STXBP5L: variants seen among roughly 807,000 people sequenced by gnomAD.
The protein encoded by STXBP5L is syntaxin-binding protein 5-like.
Under a neutral mutation model 144.5 loss-of-function variants are expected in STXBP5L, and 65 were observed. The observed-to-expected ratio is 0.45, with a 90% CI of 0.37 to 0.55. STXBP5L has a LOEUF of 0.55. Ranked by LOEUF, STXBP5L falls within the 20% of genes least tolerant of loss-of-function variation. The pLI is 0.00. For missense variants in STXBP5L, 1,298 were observed against 1,405.5 expected, an observed-to-expected ratio of 0.92 and a Z score of 1.22; for synonymous variants, 505 against 469.6, an observed-to-expected ratio of 1.08 and a Z score of -0.97.
chr3:121,266,733 G>A (rs1446531116), intron 18 of STXBP5L, among the ~76,000 whole-genome samples: 6 of 152,116 alleles, frequency 3.9e-5, no homozygotes, highest in Non-Finnish European at 4.4e-5. Context: ...AAACCCTATC[G>A]TCTCAGCCCC....
At chr3:121,036,373 T>C (rs1946753620) in intron 3 of STXBP5L, among the ~76,000 whole-genome samples, 1 of 152,132 alleles carries the variant, frequency 6.6e-6, no homozygotes, top group Admixed American at 6.6e-5. Flanking sequence ...TTATTATTTG[T>C]TTCAGTAATA....
chr3:121,378,335 A>AT (rs986283597), intron 20 of STXBP5L, among the ~76,000 whole-genome samples: 6 of 152,124 alleles, frequency 3.9e-5, no homozygotes, highest in South Asian at 2.1e-4. Context: ...TTAAAGTAAA[A>AT]TTTTTTTTAA....
At chr3:121,002,058 C>A (rs905322345) in intron 3 of STXBP5L, among the ~76,000 whole-genome samples, 2 of 152,032 alleles carry the variant, frequency 1.3e-5, no homozygotes, top group Non-Finnish European at 2.9e-5. Context: ...ATTTTATTTC[C>A]TTTTTCATAT....
At position 121,255,079 on chromosome 3, in the gene STXBP5L, A is replaced by G. The variant is rs562418935; in HGVS notation, c.1626A>G (p.Lys542=). The G allele has an allele frequency of 1.7e-5, 27 of 1,599,458 alleles. No homozygotes were observed. The South Asian group carries it at 2.8e-4, about 17-fold the overall frequency. The change falls in exon 16 of 27, where the codon AAA becomes AAG. Residue 542 remains lysine, a synonymous_variant. Coordinates refer to ENST00000471454, the MANE Select transcript of STXBP5L (RefSeq NM_001308330.2). ...TCTCTGCATATGTCATAATTTATAAATTCAGCAGACATGAAATTACAACAG... is the reference window on the plus strand; with the variant it reads ...TCTCTGCATATGTCATAATTTATAAGTTCAGCAGACATGAAATTACAACAG... ...SGVSAYVIIY[K]FSRHEITTEI...
At chr3:121,101,507 A>C (rs2043424647) in intron 5 of STXBP5L, among the ~76,000 whole-genome samples, 1 of 152,144 alleles carries the variant, frequency 6.6e-6, no homozygotes, top group African/African-American at 2.4e-5. Context: ...TTACACAGAA[A>C]ATGCTGTTGA....
At chr3:120,923,731 G>T (rs1368018760) in intron 2 of STXBP5L, among the ~76,000 whole-genome samples, 1 of 151,852 alleles carries the variant, frequency 6.6e-6, no homozygotes, top group Non-Finnish European at 1.5e-5. Context: ...TCTTGAATTT[G>T]TTCTAACTTG....
intron 11 of STXBP5L, among the ~76,000 whole-genome samples, chr3:121,227,600 T>C (rs2049160717): frequency 6.6e-6 from 1 of 152,078 alleles, no homozygotes; most frequent in Non-Finnish European, 1.5e-5. Flanking sequence ...TTTTTCTTTA[T>C]TTTGATTAGC....
intron 5 of STXBP5L, among the ~76,000 whole-genome samples, chr3:121,057,499 T>C (rs1437270231): frequency 1.3e-5 from 2 of 152,108 alleles, no homozygotes; most frequent in Non-Finnish European, 2.9e-5. Context: ...TCCAGTCACT[T>C]ACCCCCAGGT....
Position 121,239,024 on chromosome 3 carries a change from C to T in STXBP5L, c.1238C>T (p.Thr413Ile). The change falls in exon 13 of 27, where the codon ACA (threonine) becomes ATA (isoleucine). Residue 413 changes from threonine (T) to isoleucine (I), a missense_variant. By Grantham distance (89) the Thr-to-Ile change is moderately conservative (BLOSUM62 -1). Transcript: ENST00000471454. The part of the protein sequence containing the change: ...YPMDIHESPV[T>I]CTAYFADCPP... The stretch of plus-strand genomic sequence containing the variant: ...ATGGACATTCATGAATCACCAGTTA[C>T]ATGCACAGCATACTTTGCAGATTGT... 6.2e-7 allele frequency: 1 copy of T among 1,609,992 alleles called. No homozygotes were observed. The highest frequency in any genetic ancestry group is 8.5e-7 in the Non-Finnish European group (1 of 1,178,128).
At chr3:121,274,041 G>A (rs1336385813) in intron 18 of STXBP5L, among the ~76,000 whole-genome samples, 1 of 152,070 alleles carries the variant, frequency 6.6e-6, no homozygotes, top group Non-Finnish European at 1.5e-5. Context: ...TAATTATTTT[G>A]AATCATTTTT....
At position 121,064,836 on chromosome 3, in the gene STXBP5L, C is replaced by T. The variant is rs1215694297; in HGVS notation, c.470+19301C>T. Among the ~76,000 whole-genome samples the T allele has an allele frequency of 3.3e-5, 5 of 152,112 alleles. No homozygotes were observed. In the East Asian group the frequency reaches 7.7e-4, roughly 23 times the overall value. ...CTGAGGTTTGGGGTATGGATCCTGT[C>T]GCCCAGGTGGTGAGCATAGTACCAA... is the stretch of plus-strand genomic sequence containing the variant. On this transcript the variant is annotated intron_variant, in intron 5 of 26. Transcript: ENST00000471454.
intron 5 of STXBP5L, among the ~76,000 whole-genome samples, chr3:121,046,298 C>A (rs1259598188): frequency 1.3e-5 from 2 of 152,126 alleles, no homozygotes; most frequent in African/African-American, 4.8e-5. Flanking sequence ...CATCTGTGTT[C>A]ATCAAGGATA....
At chr3:121,194,147 C>T (rs2047826397) in intron 9 of STXBP5L, among the ~76,000 whole-genome samples, 1 of 152,058 alleles carries the variant, frequency 6.6e-6, no homozygotes, top group Non-Finnish European at 1.5e-5. Context: ...ATTTTCATTA[C>T]TCTAAAAAGA....
In STXBP5L at chr3:120,951,047, T is replaced by C. The variant is rs1239010819; in HGVS notation, c.190-3893T>C. Among the ~76,000 whole-genome samples, 7 of 152,072 alleles carry C rather than the reference T, an allele frequency of 4.6e-5. No individual in the cohort carries two copies. The East Asian group carries it at 1.3e-3, about 29-fold the overall frequency. On this transcript the variant is annotated intron_variant, in intron 2 of 26. Coordinates refer to ENST00000471454, the MANE Select transcript of STXBP5L (RefSeq NM_001308330.2). ...TGACAAACCTGAGAAAAACAAGCAA[T>C]GGGGAAAGGATTCCCTATTTAATAA... is the stretch of plus-strand genomic sequence containing the variant.
In STXBP5L at chr3:121,310,783, C is replaced by T. The variant is rs374468831; in HGVS notation, c.2111-7692C>T. Among the ~76,000 whole-genome samples the T allele has an allele frequency of 1.8e-4, 27 of 152,168 alleles. No homozygotes were observed. The East Asian group carries it at 3.9e-3, about 22-fold the overall frequency. ...AATTAGCCAGGCATGGTGGCCCACA[C>T]CTGTAATCCCAGCTACTTGGGAGGC... On this transcript the variant is annotated intron_variant, in intron 19 of 26. Coordinates refer to ENST00000471454, the MANE Select transcript of STXBP5L (RefSeq NM_001308330.2).
chr3:121,329,053 A>G (rs1359531501), intron 20 of STXBP5L, among the ~76,000 whole-genome samples: 1 of 152,042 alleles, frequency 6.6e-6, no homozygotes, highest in Non-Finnish European at 1.5e-5. Context: ...GTATGTATAT[A>G]TATTATATAT....
At chr3:121,219,530 C>T (rs1048129557) in intron 10 of STXBP5L, among the ~76,000 whole-genome samples, 4 of 152,024 alleles carry the variant, frequency 2.6e-5, no homozygotes, top group Non-Finnish European at 5.9e-5. Flanking sequence ...ATCATTTATC[C>T]CCAATCACCA....
chr3:121,325,042 TC>T (rs758056709), intron 20 of STXBP5L, among the ~76,000 whole-genome samples: 121 of 152,158 alleles, frequency 8.0e-4, no homozygotes, highest in Non-Finnish European at 1.3e-3. Flanking sequence ...ATGTTATCTC[TC>T]AAAAACAGTA....
At position 120,918,575 on chromosome 3, in the gene STXBP5L, C is replaced by A. The variant is rs184183124; in HGVS notation, c.189+8808C>A. Among the ~76,000 whole-genome samples, 496 of 152,326 alleles carry A rather than the reference C, an allele frequency of 3.3e-3. 3 individuals are homozygous for A. Among genetic ancestry groups the A allele is most frequent in the Non-Finnish European group, 5.6e-3 (381 of 68,028 alleles). ...TTCCACCTGTAAAAACCTTACAGAG[C>A]AGATAAGCACTTCTCCTCACCCTGT... On this transcript the variant is annotated intron_variant, in intron 2 of 26. Coordinates refer to ENST00000471454, the MANE Select transcript of STXBP5L (RefSeq NM_001308330.2).
Sources: allele counts gnomAD v4.1 joint callset (sites outside exome capture counted in the v4.1 genomes callset), GRCh38; gene constraint gnomAD v4.1.1; transcripts MANE v1.5; gene names NCBI Gene and HGNC (gene_info 2026-07-23, HGNC 2026-07-21).